Variants in CAB39L observed in about 807,000 individuals in gnomAD.
CAB39L encodes the protein calcium-binding protein 39-like.
A neutral mutation model predicts 39.1 loss-of-function variants in CAB39L; 23 were observed. The ratio of observed to expected loss-of-function variants is 0.59; its 90% CI spans 0.42 to 0.83. The LOEUF (loss-of-function observed/expected upper bound fraction) is 0.83, where lower values mean the gene tolerates loss of function less well. CAB39L is among the 40% of genes least tolerant of loss of function. The pLI is 0.00. For synonymous variants in CAB39L, 126 were observed against 137.2 expected, an observed-to-expected ratio of 0.92 and a Z score of 0.57; for missense variants, 366 against 391.9, an observed-to-expected ratio of 0.93 and a Z score of 0.56.
At chr13:49,434,714 A>T (rs1311841512) in intron 1 of CAB39L, among the ~76,000 whole-genome samples, 1 of 152,152 alleles carries the variant, frequency 6.6e-6, no homozygotes, top group Non-Finnish European at 1.5e-5. Context: ...TAAAAAAAAT[A>T]AAAAATAAAA....
intron 10 of CAB39L, among the ~76,000 whole-genome samples, chr13:49,331,158 C>G (rs560917357): frequency 7.9e-5 from 12 of 152,152 alleles, no homozygotes; most frequent in Non-Finnish European, 1.3e-4. Context: ...CCCACCTACC[C>G]CACCTGTTAA....
intron 4 of CAB39L, among the ~76,000 whole-genome samples, chr13:49,378,344 G>C (rs1452523797): frequency 3.0e-5 from 2 of 65,706 alleles, no homozygotes; most frequent in Admixed American, 1.2e-4. Flanking sequence ...GGCCAGCCGT[G>C]CCATCCGGGA....
chr13:49,366,586 C>T (rs569312986), intron 5 of CAB39L, among the ~76,000 whole-genome samples: 6 of 134,658 alleles, frequency 4.5e-5, no homozygotes, highest in Non-Finnish European at 6.2e-5. Flanking sequence ...GACATCGTGC[C>T]ATTGCACTCC....
intron 4 of CAB39L, 93 bp from the exon 5 acceptor site, chr13:49,377,224 C>T: frequency 2.0e-6 from 2 of 999,214 alleles, no homozygotes; most frequent in East Asian, 2.4e-5. Flanking sequence ...ACTTCTTGGT[C>T]TTGGGCTCTG....
At chr13:49,429,127 C>A (rs550132183) in intron 3 of CAB39L, among the ~76,000 whole-genome samples, 1 of 152,332 alleles carries the variant, frequency 6.6e-6, no homozygotes, top group Admixed American at 6.5e-5. Context: ...GTTAGCCCCA[C>A]TTTACAGATA....
chr13:49,348,945 C>T (rs765971956), intron 7 of CAB39L, among the ~76,000 whole-genome samples: 3 of 152,180 alleles, frequency 2.0e-5, no homozygotes, highest in Non-Finnish European at 2.9e-5. Context: ...GCATTCTTCT[C>T]CCTAAGTCCC....
intron 3 of CAB39L, among the ~76,000 whole-genome samples, chr13:49,408,675 A>G (rs1956931059): frequency 6.6e-6 from 1 of 152,060 alleles, no homozygotes; most frequent in Admixed American, 6.6e-5. Flanking sequence ...AAAAATACAT[A>G]CAAAAATTAG....
At chr13:49,321,581 C>T (rs1284822384) in intron 10 of CAB39L, among the ~76,000 whole-genome samples, 1 of 152,112 alleles carries the variant, frequency 6.6e-6, no homozygotes, top group Non-Finnish European at 1.5e-5. Flanking sequence ...TGGGTGCTTC[C>T]GCTAGTGACT....
At chr13:49,403,778 C>CA (rs1301774023) in intron 3 of CAB39L, among the ~76,000 whole-genome samples, 18 of 150,760 alleles carry the variant, frequency 1.2e-4, no homozygotes, top group African/African-American at 3.4e-4. Context: ...ACAGCAACAA[C>CA]AACAAAAAAA....
intron 10 of CAB39L, among the ~76,000 whole-genome samples, chr13:49,327,600 G>A (rs1204025433): frequency 7.9e-5 from 12 of 151,738 alleles, no homozygotes; most frequent in Non-Finnish European, 1.5e-4. Flanking sequence ...CACCATGCCC[G>A]GATTCCATGC....
At chr13:49,364,898 C>A (rs1955732313) in intron 5 of CAB39L, among the ~76,000 whole-genome samples, 1 of 152,120 alleles carries the variant, frequency 6.6e-6, no homozygotes, top group African/African-American at 2.4e-5. Context: ...TCAATGCAAT[C>A]CCTATCAAAA....
intron 1 of CAB39L, among the ~76,000 whole-genome samples, chr13:49,437,451 C>T (rs1316019840): frequency 6.6e-6 from 1 of 152,086 alleles, no homozygotes; most frequent in Non-Finnish European, 1.5e-5. Context: ...CATGAGACTG[C>T]GTCTTTGGTC....
intron 10 of CAB39L, among the ~76,000 whole-genome samples, chr13:49,325,592 C>G (rs1328678721): frequency 6.6e-6 from 1 of 152,034 alleles, no homozygotes. Flanking sequence ...AGTTTGAGAC[C>G]AGCCGGGCCA....
intron 3 of CAB39L, among the ~76,000 whole-genome samples, chr13:49,415,883 T>C (rs1318674630): frequency 1.3e-5 from 2 of 152,226 alleles, no homozygotes; most frequent in Non-Finnish European, 2.9e-5. Context: ...TTTTCTACTA[T>C]GCCTTTTGTC....
At chr13:49,405,866 G>C (rs113898759) in intron 3 of CAB39L, among the ~76,000 whole-genome samples, 2,250 of 152,140 alleles carry the variant, frequency 0.015, 65 homozygotes, top group African/African-American at 0.051. Context: ...AAACAACATG[G>C]ATAGAACTGG....
intron 3 of CAB39L, among the ~76,000 whole-genome samples, chr13:49,419,156 C>T (rs7336188): frequency 0.44 from 66,248 of 151,678 alleles, 14,644 homozygotes; most frequent in Non-Finnish European, 0.47. Context: ...TTAGTAGAGA[C>T]GCAGTTTCAC....
intron 3 of CAB39L, among the ~76,000 whole-genome samples, chr13:49,411,175 G>A (rs78111284): frequency 0.036 from 5,547 of 152,176 alleles, 145 homozygotes; most frequent in East Asian, 0.13. Flanking sequence ...TTGGGAGGCT[G>A]AGGCTGGTGG....
In CAB39L at chr13:49,327,373, G is replaced by A. The variant is rs1037823061; in HGVS notation, c.834+4574C>T. On this transcript the variant is annotated intron_variant, in intron 10 of 10. Transcript: ENST00000409308. ...GGCTGGAGTGCAGTGGCACAATATC[G>A]GCTTACTGCAACCTCTGCTTCCCAG... Among the ~76,000 whole-genome samples the A allele has an allele frequency of 1.1e-4, 17 of 151,966 alleles. 1 individual carries two copies. The highest frequency in any genetic ancestry group is 1.5e-5 in the Non-Finnish European group (1 of 68,022).
At chr13:49,315,021 G>A (rs1954114741) in intron 10 of CAB39L, among the ~76,000 whole-genome samples, 3 of 152,206 alleles carry the variant, frequency 2.0e-5, no homozygotes, top group Non-Finnish European at 2.9e-5. Flanking sequence ...GAGAACTGAT[G>A]AGATGTGACA....
Sources: gnomAD v4.1 joint callset for allele counts (sites outside exome capture counted in the v4.1 genomes callset) on GRCh38, gnomAD v4.1.1 for gene constraint, MANE v1.5 for transcripts, NCBI Gene and HGNC (gene_info 2026-07-23, HGNC 2026-07-21) for gene names.